Variants in MARK4 observed in about 807,000 individuals in gnomAD.
MARK4 encodes microtubule affinity regulating kinase 4, also known as MAP/microtubule affinity-regulating kinase 4.
MARK4 carries 19 observed loss-of-function variants against 81.5 expected under a neutral mutation model. The ratio of observed to expected loss-of-function variants is 0.23; its 90% CI spans 0.16 to 0.34. The LOEUF (loss-of-function observed/expected upper bound fraction) is 0.34, where lower values mean the gene tolerates loss of function less well. Among genes scored for constraint, MARK4 ranks in the 10% least tolerant of loss-of-function variants. MARK4 has a pLI of 1.00. For missense variants in MARK4, 772 were observed against 1,058.8 expected (o/e 0.73, Z 3.76); for synonymous variants, 436 against 439.0 (o/e 0.99, Z 0.08).
intron 16 of MARK4, among the ~76,000 whole-genome samples, chr19:45,301,664 T>C (rs1221946552): frequency 7.0e-6 from 1 of 143,708 alleles, no homozygotes; most frequent in Non-Finnish European, 1.5e-5. Context: ...ATCGAGACCA[T>C]CCTGGCTGAC....
Position 45,278,573 on chromosome 19 carries a change from T to C in MARK4, c.964T>C (p.Tyr322His). 6.2e-7 allele frequency: 1 copy of C among 1,613,810 alleles called. No homozygotes were observed. The highest frequency in any genetic ancestry group is 8.5e-7 in the Non-Finnish European group (1 of 1,179,920). Residue 322 changes from tyrosine to histidine, a missense_variant, in exon 10 of 17, where the codon TAC (tyrosine) becomes CAC (histidine). Around this residue, in one of 3 missense-constraint regions of MARK4, gnomAD observed 109 missense variants for 294.7 expected, o/e 0.37. Transcript: ENST00000262891. Reference sequence around the variant, plus strand: ...CTATGAGGGTGAGGAGTTGAAGCCATACACAGAGCCCGAGGAGGACTTCGG... The same window carrying C: ...CTATGAGGGTGAGGAGTTGAAGCCACACACAGAGCCCGAGGAGGACTTCGG... ...IGYEGEELKPYTEPEEDFGDT... is the reference protein window; with the variant it reads ...IGYEGEELKPHTEPEEDFGDT...
At chr19:45,270,485 T>C (rs931544959) in intron 7 of MARK4, among the ~76,000 whole-genome samples, 1 of 152,164 alleles carries the variant, frequency 6.6e-6, no homozygotes, top group African/African-American at 2.4e-5. Flanking sequence ...TTGTTTCTGC[T>C]GGGTAACTTG....
chr19:45,288,526 A>G (rs1257000168), intron 13 of MARK4: 1 of 139,744 alleles, frequency 7.2e-6, no homozygotes, highest in Non-Finnish European at 1.5e-5. Flanking sequence ...GCACTCCAGG[A>G]TAGGTGACAG....
intron 8 of MARK4, among the ~76,000 whole-genome samples, chr19:45,273,414 G>T (rs1970557210): frequency 6.6e-6 from 1 of 152,162 alleles, no homozygotes; most frequent in Non-Finnish European, 1.5e-5. Context: ...TGTTGACGGT[G>T]ACATACAGGA....
intron 7 of MARK4, 105 bp downstream of exon 7, chr19:45,266,386 A>G: frequency 9.4e-7 from 1 of 1,064,630 alleles, no homozygotes; most frequent in Non-Finnish European, 1.5e-6. Context: ...AAATTCCTCC[A>G]GCCCTTTTCT....
At chr19:45,260,925 A>G (rs895598839) in intron 2 of MARK4, among the ~76,000 whole-genome samples, 1 of 152,136 alleles carries the variant, frequency 6.6e-6, no homozygotes, top group East Asian at 1.9e-4. Context: ...CATTATTGCA[A>G]AAAGGGCCCA....
rs190281576 is a variant in MARK4, at chr19:45,293,617, A to G, written c.1495-732A>G. Among the ~76,000 whole-genome samples, 495 of 152,374 alleles carry G rather than the reference A, an allele frequency of 3.2e-3. 11 individuals carry two copies. Among genetic ancestry groups the G allele is most frequent in the Admixed American group, 0.026 (394 of 15,304 alleles). Reference sequence around the variant, plus strand: ...TCCCACCAGTGGAATTCTTCCAAACACTTAAAGAAGAAATAACACTAACCT... The same window carrying G: ...TCCCACCAGTGGAATTCTTCCAAACGCTTAAAGAAGAAATAACACTAACCT... On this transcript the variant is annotated intron_variant, in intron 13 of 16. Transcript: ENST00000262891.
At chr19:45,300,547 G>A (rs1439014548) in intron 16 of MARK4, among the ~76,000 whole-genome samples, 3 of 152,034 alleles carry the variant, frequency 2.0e-5, no homozygotes, top group Admixed American at 6.6e-5. Flanking sequence ...CCTGTGTCAC[G>A]CCTGTTCAGT....
chr19:45,282,604 G>A (rs1296185532), intron 12 of MARK4, among the ~76,000 whole-genome samples: 5 of 151,922 alleles, frequency 3.3e-5, no homozygotes, highest in Non-Finnish European at 7.4e-5. Context: ...GAGGTGGGAG[G>A]ATCACGAGGT....
chr19:45,259,845 G>T (rs1970358314), intron 2 of MARK4, among the ~76,000 whole-genome samples: 1 of 152,132 alleles, frequency 6.6e-6, no homozygotes, highest in Admixed American at 6.5e-5. Context: ...CCAGTACTTT[G>T]GGAAGCTGAG....
At position 45,302,860 on chromosome 19, in the gene MARK4, T is replaced by G; in HGVS notation, c.*150T>G. 1 of 1,250,692 alleles carries G rather than the reference T, an allele frequency of 8.0e-7. No individual in the cohort carries two copies. The highest frequency in any genetic ancestry group is 1.1e-6 in the Non-Finnish European group (1 of 924,054). 77.5% of individuals were successfully genotyped at this position (1,250,692 alleles called of 1,614,324 possible). Reference sequence around the variant, plus strand: ...GGGGCAAAGATTGTCCCCTCTGCTGTTCTCTGGGGCCGCTCAGCACAGAAG... The same window carrying G: ...GGGGCAAAGATTGTCCCCTCTGCTGGTCTCTGGGGCCGCTCAGCACAGAAG... On this transcript the variant is annotated 3_prime_UTR_variant, in exon 17 of 17. Transcript: ENST00000262891. The surrounding 1 kb of genome is among the most constrained non-coding windows in gnomAD (Gnocchi z 4.9).
chr19:45,273,889 C>G (rs1426272125), intron 8 of MARK4, among the ~76,000 whole-genome samples: 1 of 152,344 alleles, frequency 6.6e-6, no homozygotes, highest in Non-Finnish European at 1.5e-5. Context: ...TTCACAGTGG[C>G]CTTGGCCAAA....
At chr19:45,262,329 C>G (rs999119527) in intron 2 of MARK4, among the ~76,000 whole-genome samples, 3 of 122,036 alleles carry the variant, frequency 2.5e-5, no homozygotes, top group Non-Finnish European at 1.6e-5. Context: ...CACAGCGAGA[C>G]TCTGCCTCCA....
In MARK4 at chr19:45,302,591, G is replaced by T. The variant is rs1394484655; in HGVS notation, c.2140G>T (p.Val714Leu). ...GGPEPLSHFE[V>L]EVCQLPRPGL... ...GCCCGAGCCCCTGTCCCACTTCGAA[G>T]TGGAGGTCTGCCAGCTGCCCCGGCC... The change falls in exon 17 of 17, where the codon GTG becomes TTG. Residue 714 changes from valine (V) to leucine (L), a missense_variant. Around this residue, in one of 3 missense-constraint regions of MARK4, gnomAD observed 548 missense variants for 624.3 expected, o/e 0.88. Coordinates refer to ENST00000262891, the MANE Select transcript of MARK4 (RefSeq NM_001199867.2). This position sits in a 1 kb window ranked among gnomAD's most constrained non-coding sequence, Gnocchi z 4.9. 1.0e-5 allele frequency: 16 copies of T among 1,571,784 alleles called. No homozygotes were observed. The highest frequency in any genetic ancestry group is 1.4e-5 in the Non-Finnish European group (16 of 1,165,594).
rs547668291 is a variant in MARK4, at chr19:45,263,468, G to A, written c.355+101G>A. On this transcript the variant is annotated intron_variant, in intron 4 of 16. Transcript: ENST00000262891. ...TAGAATAGTTGGAGACCCACCAGGC[G>A]CAGTGGCTCACTCCTGTAATCCCAG... 2.3e-4 allele frequency: 341 copies of A among 1,463,914 alleles called. 2 individuals carry two copies. The highest frequency in any genetic ancestry group is 1.5e-3 in the South Asian group (126 of 86,144). 90.7% of individuals were successfully genotyped at this position (1,463,914 alleles called of 1,614,324 possible). A position where few individuals can be genotyped will look rare whatever the true frequency, so the allele number is the denominator to read the frequency against.
intron 6 of MARK4, 122 bp downstream of exon 6, chr19:45,265,032 T>G (rs1165956744): frequency 1.1e-6 from 1 of 935,490 alleles, no homozygotes; most frequent in Non-Finnish European, 1.7e-6. Flanking sequence ...TGGGCAGGGG[T>G]GAAGGTGCAG....
At chr19:45,276,927 G>A (rs1176508915) in intron 8 of MARK4, among the ~76,000 whole-genome samples, 1 of 151,184 alleles carries the variant, frequency 6.6e-6, no homozygotes, top group Non-Finnish European at 1.5e-5. Flanking sequence ...GAGCCACCGC[G>A]CCCAGCCACA....
In MARK4 at chr19:45,302,608, G is replaced by A; in HGVS notation, c.2157G>A (p.Leu719=). The A allele has an allele frequency of 6.4e-7, 1 of 1,560,018 alleles. No individual in the cohort carries two copies. The highest frequency in any genetic ancestry group is 8.6e-7 in the Non-Finnish European group (1 of 1,159,834). Residue 719 remains leucine, a synonymous_variant, in exon 17 of 17, where the codon CTG becomes CTA. Transcript: ENST00000262891. The surrounding 1 kb of genome is among the most constrained non-coding windows in gnomAD (Gnocchi z 4.9). ...LSHFEVEVCQ[L]PRPGLRGVLF... The stretch of plus-strand genomic sequence containing the variant: ...ACTTCGAAGTGGAGGTCTGCCAGCT[G>A]CCCCGGCCAGGCTTGCGGGGAGTTC...
At chr19:45,259,756 C>CA (rs1970357302) in intron 2 of MARK4, among the ~76,000 whole-genome samples, 1 of 151,880 alleles carries the variant, frequency 6.6e-6, no homozygotes, top group African/African-American at 2.4e-5. Flanking sequence ...GCCTGGGTAA[C>CA]AGAGTGAGAC....
Sources: gnomAD v4.1 joint callset for allele counts (sites outside exome capture counted in the v4.1 genomes callset) on GRCh38, gnomAD v4.1.1 for gene constraint, gnomAD v4.1.1 regional missense constraint, Gnocchi (gnomAD v3.1) non-coding constraint, MANE v1.5 for transcripts, NCBI Gene and HGNC (gene_info 2026-07-23, HGNC 2026-07-21) for gene names.